The following ENY2 variants were observed in gnomAD, a reference collection of about 807,000 sequenced individuals.
ENY2 encodes the protein transcription and mRNA export factor ENY2.
In ENY2, 4 loss-of-function variants were observed where a neutral mutation model predicts 15.9. That is an observed-to-expected ratio of 0.25 (90% CI 0.12 to 0.57). The LOEUF (loss-of-function observed/expected upper bound fraction) is 0.57, where lower values mean the gene tolerates loss of function less well. Ranked by LOEUF, ENY2 falls within the 20% of genes least tolerant of loss-of-function variation. ENY2 has a pLI of 0.91. For synonymous variants in ENY2, 48 were observed against 38.0 expected (o/e 1.26, Z -0.97); for missense variants, 54 against 117.2 (o/e 0.46, Z 2.49).
chr8:109,341,188 A>G (rs1816105576), intron 4 of ENY2, among the ~76,000 whole-genome samples: 1 of 152,190 alleles, frequency 6.6e-6, no homozygotes, highest in Admixed American at 6.5e-5. Flanking sequence ...AGATATAACT[A>G]CATTATTTTC....
At chr8:109,342,810 G>A in intron 4 of ENY2, 1 of 637,578 alleles carries the variant, frequency 1.6e-6, no homozygotes, top group Non-Finnish European at 2.8e-6. Context: ...AGCCAACACA[G>A]TATATTATTG....
chr8:109,340,304 ACTTTTAT>A, intron 3 of ENY2, 178 bp from the exon 4 acceptor site: 2 of 764,692 alleles, frequency 2.6e-6, no homozygotes, highest in South Asian at 1.9e-5. Flanking sequence ...CTTACGAACA[ACTTTTAT>A]CTTTTAGATC....
Position 109,345,823 on chromosome 8 carries a change from CT to C in ENY2, c.*2345del, listed in dbSNP as rs1816232296. 1 of 152,078 alleles carries C rather than the reference CT, an allele frequency of 6.6e-6. No individual in the cohort carries two copies. Among genetic ancestry groups the C allele is most frequent in the South Asian group, 2.1e-4 (1 of 4,828 alleles). 9.4% of individuals were successfully genotyped at this position (152,078 alleles called of 1,614,324 possible). A position where few individuals can be genotyped will look rare whatever the true frequency, so the allele number is the denominator to read the frequency against. On this transcript the variant is annotated 3_prime_UTR_variant, in exon 5 of 5. Coordinates refer to ENST00000521688, the MANE Select transcript of ENY2 (RefSeq NM_020189.6). ...CAATTTAGAATACTAAAGAGCATAG[CT>C]TTAAAATGATAGTGCTGAGAACTCC... is the stretch of plus-strand genomic sequence containing the variant.
chr8:109,334,493 C>T lies in ENY2; in HGVS notation c.6+19C>T. On this transcript the variant is annotated intron_variant, in intron 1 of 4. Coordinates refer to ENST00000521688, the MANE Select transcript of ENY2 (RefSeq NM_020189.6). The stretch of plus-strand genomic sequence containing the variant: ...GATGGTGGTGAGCTATGCCCGTGGT[C>T]CTCAGGGCCGGGACCCGGGCCCAGC... 1 of 1,612,362 alleles carries T rather than the reference C, an allele frequency of 6.2e-7. No individual in the cohort carries two copies. The highest frequency in any genetic ancestry group is 2.2e-5 in the East Asian group (1 of 44,784).
At chr8:109,343,362 A>G in intron 4 of ENY2, 43 bp from the exon 5 acceptor site, 1 of 1,487,364 alleles carries the variant, frequency 6.7e-7, no homozygotes. Context: ...TCATGTATTA[A>G]TTGGTACCTT....
At chr8:109,341,556 A>G (rs572618199) in intron 4 of ENY2, among the ~76,000 whole-genome samples, 5 of 152,232 alleles carry the variant, frequency 3.3e-5, no homozygotes, top group African/African-American at 1.2e-4. Context: ...TTCTGTTAAC[A>G]TTATTTAGGA....
intron 4 of ENY2, among the ~76,000 whole-genome samples, chr8:109,341,793 A>G (rs1449920288): frequency 1.3e-5 from 2 of 152,174 alleles, no homozygotes; most frequent in Non-Finnish European, 2.9e-5. Context: ...TGAACTTTAT[A>G]CATATGTATA....
Position 109,345,473 on chromosome 8 carries a change from A to C in ENY2, c.*1992A>C, listed in dbSNP as rs186559548. ...GAACCAGCTGGGCTTAATTATGTAA[A>C]GTTTTGAGCCTGAGATAAGCACACA... On this transcript the variant is annotated 3_prime_UTR_variant, in exon 5 of 5. Transcript: ENST00000521688. The C allele has an allele frequency of 2.0e-5, 3 of 152,292 alleles. No homozygotes were observed. Among genetic ancestry groups the C allele is most frequent in the Admixed American group, 2.0e-4 (3 of 15,292 alleles). The allele number at this position is 152,292 out of a possible 1,614,324, so 9.4% of individuals were successfully genotyped here. A position where few individuals can be genotyped will look rare whatever the true frequency, so the allele number is the denominator to read the frequency against.
In ENY2 at chr8:109,345,532, C is replaced by T. The variant is rs1325957299; in HGVS notation, c.*2051C>T. 6.6e-6 allele frequency: 1 copy of T among 152,096 alleles called. No individual in the cohort carries two copies. Among genetic ancestry groups the T allele is most frequent in the Non-Finnish European group, 1.5e-5 (1 of 68,006 alleles). 9.4% of individuals were successfully genotyped at this position (152,096 alleles called of 1,614,324 possible). On this transcript the variant is annotated 3_prime_UTR_variant, in exon 5 of 5. Coordinates refer to ENST00000521688, the MANE Select transcript of ENY2 (RefSeq NM_020189.6). ...ACCTACCCAAACAAGTTTTTTGTTT[C>T]ACTTCATCTCTTATAAAACAATGTT...
intron 1 of ENY2, 104 bp downstream of exon 1, chr8:109,334,578 G>T: frequency 1.4e-6 from 2 of 1,393,246 alleles, no homozygotes; most frequent in Non-Finnish European, 9.5e-7. Flanking sequence ...TCGCGGGCCT[G>T]TAGGGCTCTC....
rs771044687 is a variant in ENY2 at position 109,340,578 on chromosome 8, G to T, written c.229+15G>T. Reference sequence around the variant, plus strand: ...AAAAGGCAGAGGTAAGGAATACAGAGTTTGTTAAAGGAAACATGCTGCAGA... The same window carrying T: ...AAAAGGCAGAGGTAAGGAATACAGATTTTGTTAAAGGAAACATGCTGCAGA... On this transcript the variant is annotated intron_variant, in intron 4 of 4. Coordinates refer to ENST00000521688, the MANE Select transcript of ENY2 (RefSeq NM_020189.6). 60 of 1,612,372 alleles carry T rather than the reference G, an allele frequency of 3.7e-5. No homozygotes were observed. The highest frequency in any genetic ancestry group is 4.9e-5 in the Non-Finnish European group (58 of 1,179,162).
At position 109,343,547 on chromosome 8, in the gene ENY2, C is replaced by T. The variant is rs1275821551; in HGVS notation, c.*66C>T. The T allele has an allele frequency of 2.1e-6, 3 of 1,426,610 alleles. No homozygotes were observed. Among genetic ancestry groups the T allele is most frequent in the African/African-American group, 2.9e-5 (2 of 69,604 alleles). 88.4% of individuals were successfully genotyped at this position (1,426,610 alleles called of 1,614,324 possible). On this transcript the variant is annotated 3_prime_UTR_variant, in exon 5 of 5. Transcript: ENST00000521688. ...GTAAAACTTGCCATAAATTAGAAAA[C>T]AATTTCCCAAAATAAAATCCTTTTT...
At chr8:109,343,174 G>A (rs914012244) in intron 4 of ENY2, among the ~76,000 whole-genome samples, 15 of 152,036 alleles carry the variant, frequency 9.9e-5, no homozygotes, top group African/African-American at 3.4e-4. Context: ...ATTTTCTCAC[G>A]TTTTCTTCTC....
At chr8:109,336,359 T>C in intron 2 of ENY2, 155 bp downstream of exon 2, 1 of 671,948 alleles carries the variant, frequency 1.5e-6, no homozygotes, top group Non-Finnish European at 2.5e-6. Flanking sequence ...TAATTTAGGT[T>C]TGTTAAGTAT....
chr8:109,343,264 A>G, intron 4 of ENY2, 141 bp from the exon 5 acceptor site: 1 of 594,660 alleles, frequency 1.7e-6, no homozygotes, highest in Non-Finnish European at 2.8e-6. Context: ...TTTGTCAGAT[A>G]ACTTTACCTT....
In ENY2 at chr8:109,345,064, C is replaced by T. The variant is rs1816211441; in HGVS notation, c.*1583C>T. ...TTTCATCCGTAAGTACCTTTGAACC[C>T]AGAAGCCCCCTTTCTCATATGTTTC... On this transcript the variant is annotated 3_prime_UTR_variant, in exon 5 of 5. Transcript: ENST00000521688. 1 of 152,148 alleles carries T rather than the reference C, an allele frequency of 6.6e-6. No homozygotes were observed. The highest frequency in any genetic ancestry group is 1.5e-5 in the Non-Finnish European group (1 of 68,058). 9.4% of individuals were successfully genotyped at this position (152,148 alleles called of 1,614,324 possible). A position where few individuals can be genotyped will look rare whatever the true frequency, so the allele number is the denominator to read the frequency against.
intron 4 of ENY2, chr8:109,342,626 G>C: frequency 1.5e-6 from 1 of 668,182 alleles, no homozygotes; most frequent in South Asian, 1.6e-5. Context: ...TTCTCCCTCA[G>C]CTTCCCGAGT....
rs760050280 is a variant in ENY2, at chr8:109,343,454, A to T, written c.279A>T (p.Thr93=). 2 of 1,613,162 alleles carry T rather than the reference A, an allele frequency of 1.2e-6. No homozygotes were observed. The highest frequency in any genetic ancestry group is 1.3e-5 in the African/African-American group (1 of 75,016). ...AGGAGCTCCTACAAAGAATAAGAAC[A>T]TTCCTTGCTCAGCATGCCAGCCTTT... ...VKKELLQRIR[T]FLAQHASL is the part of the protein sequence containing the mutation. Residue 93 remains threonine (T), a synonymous_variant, in exon 5 of 5, where the codon ACA becomes ACT. Coordinates refer to ENST00000521688, the MANE Select transcript of ENY2 (RefSeq NM_020189.6).
intron 2 of ENY2, chr8:109,339,033 A>C (rs1816057864): frequency 5.0e-6 from 2 of 398,188 alleles, no homozygotes; most frequent in African/African-American, 4.1e-5. Flanking sequence ...GACGGTGGAG[A>C]GTATATAACG....
Sources: allele counts gnomAD v4.1 joint callset (sites outside exome capture counted in the v4.1 genomes callset), GRCh38; gene constraint gnomAD v4.1.1; transcripts MANE v1.5; gene names NCBI Gene and HGNC (gene_info 2026-07-23, HGNC 2026-07-21).